The following LRRTM3 variants were observed in gnomAD, a reference collection of about 807,000 sequenced individuals.
LRRTM3 encodes the protein leucine rich repeat transmembrane neuronal 3.
In LRRTM3, 24 loss-of-function variants were observed where a neutral mutation model predicts 44.7. That is an observed-to-expected ratio of 0.54 (90% CI 0.39 to 0.76). The LOEUF (loss-of-function observed/expected upper bound fraction) is 0.76, where lower values mean the gene tolerates loss of function less well. Ranked by LOEUF, LRRTM3 falls within the 30% of genes least tolerant of loss-of-function variation. The pLI, the probability that LRRTM3 is intolerant of heterozygous loss-of-function variation, is 0.00. For synonymous variants in LRRTM3, 277 were observed against 278.7 expected (o/e 0.99, Z 0.06); for missense variants, 587 against 702.2 (o/e 0.84, Z 1.85).
intron 2 of LRRTM3, among the ~76,000 whole-genome samples, chr10:66,943,570 G>T (rs1056200459): frequency 4.0e-5 from 6 of 150,046 alleles, no homozygotes; most frequent in Non-Finnish European, 8.9e-5. Flanking sequence ...ACTAAGCACA[G>T]CCTTAAGAAA....
At chr10:67,008,918 ATGTT>A (rs1852165757) in intron 2 of LRRTM3, among the ~76,000 whole-genome samples, 1 of 152,160 alleles carries the variant, frequency 6.6e-6, no homozygotes, top group Non-Finnish European at 1.5e-5. Flanking sequence ...GGGCTTGAAA[ATGTT>A]TGTGCATTTG....
chr10:67,079,858 A>AACACACAC (rs199928311), intron 2 of LRRTM3, among the ~76,000 whole-genome samples: 22 of 141,360 alleles, frequency 1.6e-4, no homozygotes, highest in East Asian at 1.1e-3. Flanking sequence ...AAAAAAACAA[A>AACACACAC]ACACACACAC....
chr10:67,012,240 C>G (rs1852382244), intron 2 of LRRTM3: 1 of 152,132 alleles, frequency 6.6e-6, no homozygotes, highest in Non-Finnish European at 1.5e-5. Context: ...AATTTCAGAG[C>G]TGAAAGGGAT....
At chr10:67,079,858 AACACACACACACACACACACACAC>A (rs199928311) in intron 2 of LRRTM3, among the ~76,000 whole-genome samples, 13 of 141,362 alleles carry the variant, frequency 9.2e-5, no homozygotes, top group Non-Finnish European at 1.5e-4. Flanking sequence ...AAAAAAACAA[AACACACACACACACACACACACAC>A]ACACACACAC....
chr10:66,962,043 C>T (rs1016326001), intron 2 of LRRTM3, among the ~76,000 whole-genome samples: 1 of 152,100 alleles, frequency 6.6e-6, no homozygotes, highest in Non-Finnish European at 1.5e-5. Context: ...TTTAAGCCAC[C>T]GTTATTCCTG....
chr10:67,086,066 G>T (rs1172068415), intron 2 of LRRTM3, among the ~76,000 whole-genome samples: 1 of 151,926 alleles, frequency 6.6e-6, no homozygotes. Context: ...AAGATCTCTA[G>T]GATATTCAAT....
intron 2 of LRRTM3, among the ~76,000 whole-genome samples, chr10:67,060,842 AG>A (rs113940646): frequency 0.12 from 18,017 of 152,082 alleles, 1,239 homozygotes; most frequent in African/African-American, 0.2. Flanking sequence ...GACATGAAAA[AG>A]AAATACATTT....
intron 2 of LRRTM3, among the ~76,000 whole-genome samples, chr10:67,001,764 C>G (rs753812747): frequency 6.6e-6 from 1 of 152,162 alleles, no homozygotes; most frequent in African/African-American, 2.4e-5. Flanking sequence ...CACACTCACA[C>G]TATCTCAAAG....
intron 2 of LRRTM3, chr10:67,054,958 A>C (rs1296305273): frequency 6.6e-6 from 1 of 152,142 alleles, no homozygotes. Flanking sequence ...CAACCCCCTT[A>C]GTTTATACAA....
chr10:66,935,105 A>C lies in LRRTM3; in HGVS notation c.1536+6653A>C, dbSNP rs977601107. On this transcript the variant is annotated intron_variant, in intron 2 of 2. Coordinates refer to ENST00000361320, the MANE Select transcript of LRRTM3 (RefSeq NM_178011.5). ...GATCTATGTACTTTCTAAAAGAAAG[A>C]ATATGCTTACCAACAGAGCCCTCAT... Among the ~76,000 whole-genome samples the C allele has an allele frequency of 1.3e-4, 20 of 152,096 alleles. 1 individual carries two copies. Among genetic ancestry groups the C allele is most frequent in the African/African-American group, 3.6e-4 (15 of 41,422 alleles).
intron 2 of LRRTM3, among the ~76,000 whole-genome samples, chr10:67,002,982 C>T (rs1851769211): frequency 6.6e-6 from 1 of 152,126 alleles, no homozygotes; most frequent in Admixed American, 6.5e-5. Flanking sequence ...GAATAAAATA[C>T]ATTCATCAGA....
chr10:67,041,063 T>G (rs1176894084), intron 2 of LRRTM3, among the ~76,000 whole-genome samples: 1 of 152,124 alleles, frequency 6.6e-6, no homozygotes, highest in Non-Finnish European at 1.5e-5. Flanking sequence ...ACACTTAGAA[T>G]TGTACTGATA....
At chr10:66,989,912 T>G (rs1304364044) in intron 2 of LRRTM3, among the ~76,000 whole-genome samples, 1 of 152,134 alleles carries the variant, frequency 6.6e-6, no homozygotes, top group African/African-American at 2.4e-5. Context: ...TTCCTGGCAT[T>G]TAGTGTTCAA....
At chr10:67,027,814 T>C (rs1280085911) in intron 2 of LRRTM3, among the ~76,000 whole-genome samples, 1 of 152,194 alleles carries the variant, frequency 6.6e-6, no homozygotes, top group Non-Finnish European at 1.5e-5. Context: ...AAAGAGTATA[T>C]TCGTTTTTTC....
At chr10:67,013,629 CAAAAGTATT>C (rs1227406748) in intron 2 of LRRTM3, among the ~76,000 whole-genome samples, 1 of 152,028 alleles carries the variant, frequency 6.6e-6, no homozygotes, top group African/African-American at 2.4e-5. Flanking sequence ...TTTCTTGATA[CAAAAGTATT>C]AAAAGTATTA....
intron 2 of LRRTM3, among the ~76,000 whole-genome samples, chr10:67,096,840 T>C (rs1406476276): frequency 2.6e-5 from 4 of 151,872 alleles, no homozygotes; most frequent in African/African-American, 4.8e-5. Context: ...TGGACTTTCA[T>C]AGGAACCATA....
At chr10:67,019,878 A>T (rs10822960) in intron 2 of LRRTM3, among the ~76,000 whole-genome samples, 51,077 of 151,984 alleles carry the variant, frequency 0.34, 9,285 homozygotes, top group East Asian at 0.53. Context: ...AATTTTCTCC[A>T]TTGCTGTAAT....
intron 2 of LRRTM3, among the ~76,000 whole-genome samples, chr10:67,038,182 G>A (rs1401666981): frequency 6.6e-6 from 1 of 151,958 alleles, no homozygotes; most frequent in East Asian, 1.9e-4. Context: ...AATTCAGTTG[G>A]ATAATCCTCC....
intron 2 of LRRTM3, among the ~76,000 whole-genome samples, chr10:67,063,387 C>G (rs575805635): frequency 6.6e-6 from 1 of 152,088 alleles, no homozygotes; most frequent in East Asian, 1.9e-4. Flanking sequence ...AAAATATATG[C>G]CTTTAAAAAG....
Sources: allele counts gnomAD v4.1 joint callset (sites outside exome capture counted in the v4.1 genomes callset), GRCh38; gene constraint gnomAD v4.1.1; transcripts MANE v1.5; gene names NCBI Gene and HGNC (gene_info 2026-07-23, HGNC 2026-07-21).